The following ADAM23 variants were observed in gnomAD, a reference collection of about 807,000 sequenced individuals.
ADAM23 encodes disintegrin and metalloproteinase domain-containing protein 23.
In ADAM23, 33 loss-of-function variants were observed where a neutral mutation model predicts 120.1. The observed-to-expected ratio is 0.27, with a 90% CI of 0.21 to 0.37. ADAM23 has a LOEUF of 0.37. Among genes scored for constraint, ADAM23 ranks in the 10% least tolerant of loss-of-function variants. ADAM23 has a pLI of 1.00. For missense variants in ADAM23, 862 were observed against 1,058.2 expected (o/e 0.81, Z 2.57); for synonymous variants, 367 against 375.2 (o/e 0.98, Z 0.25).
At chr2:206,572,015 A>T (rs938305367) in intron 17 of ADAM23, among the ~76,000 whole-genome samples, 199 bp downstream of exon 17, 1 of 152,092 alleles carries the variant, frequency 6.6e-6, no homozygotes, top group Non-Finnish European at 1.5e-5. Context: ...ACTACCAACC[A>T]TCTTATCCTC....
chr2:206,540,216 T>TACACACACACACAC lies in ADAM23; in HGVS notation c.574-1796_574-1783dup, dbSNP rs71034461. Among the ~76,000 whole-genome samples the TACACACACACACAC allele has an allele frequency of 1.6e-3, 216 of 131,926 alleles. 3 individuals carry two copies. The highest frequency in any genetic ancestry group is 7.8e-3 in the Middle Eastern group (2 of 258). 86.5% of individuals were successfully genotyped at this position (131,926 alleles called of 152,430 possible). A position where few individuals can be genotyped will look rare whatever the true frequency, so the allele number is the denominator to read the frequency against. ...AGAAAAGAAAAGCAGCCCTTCACTG[T>TACACACACACACAC]ACACACACACACACACACACACACA... On this transcript the variant is annotated intron_variant, in intron 4 of 25. Transcript: ENST00000264377.
Position 206,617,592 on chromosome 2 carries a change from A to G in ADAM23, c.2464A>G (p.Arg822Gly), listed in dbSNP as rs1471119435. ...TGWGFKNVKK[R>G]RFDPTQQGPI is the part of the protein sequence containing the mutation. ...TCACTCTGGAAGAAATGTCAAGAAG[A>G]GAAGGTTCGATCCTACTCAGCAAGG... The change falls in exon 26 of 26, where the codon AGA becomes GGA. Residue 822 changes from arginine (R) to glycine (G), a missense_variant. Physicochemically the swap from Arg to Gly is moderately radical, Grantham distance 125. Around this residue, in one of 4 missense-constraint regions of ADAM23, gnomAD observed 16 missense variants for 17.6 expected, o/e 0.91. Coordinates refer to ENST00000264377, the MANE Select transcript of ADAM23 (RefSeq NM_003812.4). The G allele has an allele frequency of 6.2e-7, 1 of 1,609,334 alleles. No individual in the cohort carries two copies. The highest frequency in any genetic ancestry group is 2.2e-5 in the East Asian group (1 of 44,740).
chr2:206,468,443 C>T (rs1320704518), intron 2 of ADAM23, among the ~76,000 whole-genome samples: 1 of 152,124 alleles, frequency 6.6e-6, no homozygotes, highest in Admixed American at 6.6e-5. Flanking sequence ...CCATGGATCC[C>T]CAAGGCAGGG....
chr2:206,603,443 A>G (rs1458063105), intron 24 of ADAM23, among the ~76,000 whole-genome samples: 2 of 152,236 alleles, frequency 1.3e-5, no homozygotes, highest in East Asian at 1.9e-4. Flanking sequence ...TACAATGACA[A>G]AGAATCAAAT....
chr2:206,479,052 GCAGGA>G (rs1483573473), intron 2 of ADAM23, among the ~76,000 whole-genome samples: 15 of 152,206 alleles, frequency 9.9e-5, no homozygotes, highest in Non-Finnish European at 1.9e-4. Context: ...TATATGCAAA[GCAGGA>G]CTTAATATGT....
At chr2:206,558,021 A>C (rs937042494) in intron 10 of ADAM23, among the ~76,000 whole-genome samples, 2 of 152,186 alleles carry the variant, frequency 1.3e-5, no homozygotes, top group East Asian at 3.8e-4. Context: ...GCAGTCCCCA[A>C]ATAAAACTAA....
chr2:206,591,317 C>A (rs1017023399), intron 21 of ADAM23, among the ~76,000 whole-genome samples: 12 of 152,138 alleles, frequency 7.9e-5, no homozygotes, highest in Non-Finnish European at 8.8e-5. Flanking sequence ...AGTGCAGATA[C>A]CTTCATCCTG....
intron 4 of ADAM23, among the ~76,000 whole-genome samples, chr2:206,532,728 CT>C (rs1372307466): frequency 6.6e-6 from 1 of 151,812 alleles, no homozygotes; most frequent in Non-Finnish European, 1.5e-5. Flanking sequence ...TCTTCTAAAC[CT>C]TTAATTTTTA....
intron 3 of ADAM23, among the ~76,000 whole-genome samples, chr2:206,514,829 C>T (rs1369704200): frequency 6.6e-6 from 1 of 152,218 alleles, no homozygotes; most frequent in Non-Finnish European, 1.5e-5. Flanking sequence ...ACAAGACCCT[C>T]TACCAGCAAA....
chr2:206,536,354 C>T (rs1394930644), intron 4 of ADAM23, among the ~76,000 whole-genome samples: 4 of 140,636 alleles, frequency 2.8e-5, no homozygotes. Flanking sequence ...CGGTGTTCGC[C>T]ATTGAAAGTA....
chr2:206,554,615 A>AAT (rs1697603459), intron 9 of ADAM23, among the ~76,000 whole-genome samples: 1 of 152,120 alleles, frequency 6.6e-6, no homozygotes, highest in African/African-American at 2.4e-5. Context: ...ATTTGTTAGG[A>AAT]ATATATATAA....
chr2:206,557,850 A>G (rs1697677318), intron 10 of ADAM23, among the ~76,000 whole-genome samples: 1 of 152,218 alleles, frequency 6.6e-6, no homozygotes, highest in Admixed American at 6.5e-5. Flanking sequence ...CTTTTCTTAA[A>G]TATATGGTGG....
intron 18 of ADAM23, among the ~76,000 whole-genome samples, chr2:206,584,812 G>A (rs972753515): frequency 1.3e-5 from 2 of 152,182 alleles, no homozygotes; most frequent in Admixed American, 1.3e-4. Context: ...CCTTCTCCCT[G>A]TGGAGTTTTA....
intron 2 of ADAM23, among the ~76,000 whole-genome samples, chr2:206,477,276 T>C (rs1207308133): frequency 6.6e-6 from 1 of 152,236 alleles, no homozygotes; most frequent in Admixed American, 6.5e-5. Flanking sequence ...AGCACATTGC[T>C]AAGACGTGTA....
chr2:206,525,692 A>G (rs532978347), intron 3 of ADAM23, among the ~76,000 whole-genome samples: 2 of 152,156 alleles, frequency 1.3e-5, no homozygotes, highest in Admixed American at 6.5e-5. Context: ...CACAGGTTCA[A>G]GCAATTCTCC....
intron 23 of ADAM23, 55 bp from the exon 24 acceptor site, chr2:206,595,996 C>T: frequency 7.2e-7 from 1 of 1,384,502 alleles, no homozygotes. Context: ...ACATTTATCA[C>T]TATTATTCTA....
In ADAM23 at chr2:206,561,113, C is replaced by CT; in HGVS notation, c.1170-14dup. 6.2e-7 allele frequency: 1 copy of CT among 1,613,734 alleles called. No individual in the cohort carries two copies. Among genetic ancestry groups the CT allele is most frequent in the Non-Finnish European group, 8.5e-7 (1 of 1,179,702 alleles). ...CCACCACGTTGGTTTTCTGATAGCA[C>CT]TGCTTTTTCTTAAGGCGGGTGACAT... On this transcript the variant is annotated splice_polypyrimidine_tract_variant and intron_variant, in intron 11 of 25. Coordinates refer to ENST00000264377, the MANE Select transcript of ADAM23 (RefSeq NM_003812.4).
intron 3 of ADAM23, among the ~76,000 whole-genome samples, chr2:206,515,213 T>C (rs565308527): frequency 2.8e-4 from 43 of 152,296 alleles, no homozygotes; most frequent in African/African-American, 1.0e-3. Flanking sequence ...ACATTTATTG[T>C]CATTATGAAC....
At chr2:206,597,436 G>A (rs1223590130) in intron 24 of ADAM23, among the ~76,000 whole-genome samples, 2 of 151,930 alleles carry the variant, frequency 1.3e-5, no homozygotes, top group South Asian at 2.1e-4. Context: ...CCTTGGCTGG[G>A]ATTACAGGTG....
Sources: allele counts gnomAD v4.1 joint callset (sites outside exome capture counted in the v4.1 genomes callset), GRCh38; gene constraint gnomAD v4.1.1; regional missense constraint gnomAD v4.1.1; transcripts MANE v1.5; gene names NCBI Gene and HGNC (gene_info 2026-07-23, HGNC 2026-07-21).